TNFRSF9: variants seen among roughly 807,000 people sequenced by gnomAD.
TNFRSF9 encodes TNF receptor superfamily member 9, also known as tumor necrosis factor receptor superfamily member 9.
In TNFRSF9, 16 loss-of-function variants were observed where a neutral mutation model predicts 28.8. The ratio of observed to expected loss-of-function variants is 0.55; its 90% confidence interval spans 0.38 to 0.84. The LOEUF is 0.84. Among genes scored for constraint, TNFRSF9 ranks in the 40% least tolerant of loss-of-function variants. The pLI is 0.00. For missense variants in TNFRSF9, 303 were observed against 315.0 expected, an observed-to-expected ratio of 0.96 and a Z score of 0.29; for synonymous variants, 131 against 117.0, an observed-to-expected ratio of 1.12 and a Z score of -0.77.
intron 7 of TNFRSF9, among the ~76,000 whole-genome samples, chr1:7,929,432 G>A (rs923450444): frequency 2.0e-5 from 3 of 152,002 alleles, no homozygotes; most frequent in Non-Finnish European, 4.4e-5. Context: ...CTCCCAAAGC[G>A]CTGGGATTAT....
chr1:7,938,022 GGAAATATTTTATTAATT>G (rs1578078074), intron 4 of TNFRSF9, among the ~76,000 whole-genome samples, 154 bp downstream of exon 4: 1 of 151,990 alleles, frequency 6.6e-6, no homozygotes, highest in East Asian at 1.9e-4. Context: ...AAGAAATAAC[GGAAATATTTTATTAATT>G]GAAATATTTT....
intron 5 of TNFRSF9, among the ~76,000 whole-genome samples, chr1:7,936,073 G>A (rs1030927031): frequency 5.9e-5 from 9 of 152,008 alleles, no homozygotes; most frequent in Non-Finnish European, 1.0e-4. Flanking sequence ...TTTCCATGCA[G>A]ACTCACTTAA....
At chr1:7,931,537 T>G (rs1331334117) in intron 7 of TNFRSF9, among the ~76,000 whole-genome samples, 1 of 152,210 alleles carries the variant, frequency 6.6e-6, no homozygotes, top group Non-Finnish European at 1.5e-5. Flanking sequence ...TCTATTTGTA[T>G]GAAGTTCACA....
chr1:7,928,829 A>G (rs1639690166), intron 7 of TNFRSF9, among the ~76,000 whole-genome samples: 1 of 152,162 alleles, frequency 6.6e-6, no homozygotes, highest in Non-Finnish European at 1.5e-5. Flanking sequence ...CAGCGAGTGG[A>G]GATCACGCCA....
intron 7 of TNFRSF9, among the ~76,000 whole-genome samples, chr1:7,926,687 A>G (rs1473942127): frequency 6.6e-6 from 1 of 152,250 alleles, no homozygotes; most frequent in African/African-American, 2.4e-5. Context: ...GTATTTATGT[A>G]TAACTACAGT....
intron 7 of TNFRSF9, among the ~76,000 whole-genome samples, chr1:7,929,306 C>T (rs1177706475): frequency 1.3e-5 from 2 of 151,826 alleles, no homozygotes; most frequent in Non-Finnish European, 2.9e-5. Flanking sequence ...TCTGGGATTA[C>T]AGGCACGTGC....
rs1639502063 is a variant in TNFRSF9, at chr1:7,917,947, T to A, written c.*2888A>T. ...AAAATTTTAAAAAGGGAAAAATAAA[T>A]TACAAAGGATATATATATATATATA... On this transcript the variant is annotated 3_prime_UTR_variant, in exon 8 of 8. Coordinates refer to ENST00000377507, the MANE Select transcript of TNFRSF9 (RefSeq NM_001561.6). 2 of 135,308 alleles carry A rather than the reference T, an allele frequency of 1.5e-5. No individual in the cohort carries two copies. Among genetic ancestry groups the A allele is most frequent in the East Asian group, 2.3e-4 (1 of 4,352 alleles). 8.4% of individuals were successfully genotyped at this position (135,308 alleles called of 1,614,324 possible).
chr1:7,925,769 G>A (rs1299245445), intron 7 of TNFRSF9, among the ~76,000 whole-genome samples: 2 of 152,070 alleles, frequency 1.3e-5, no homozygotes, highest in Non-Finnish European at 2.9e-5. Flanking sequence ...TTCACAATAG[G>A]ATTCATGCTC....
chr1:7,921,610 G>A (rs565257654), intron 7 of TNFRSF9, among the ~76,000 whole-genome samples: 3 of 152,182 alleles, frequency 2.0e-5, no homozygotes, highest in Non-Finnish European at 4.4e-5. Flanking sequence ...GGAGGTTGCA[G>A]TGAGCTGAGA....
At chr1:7,927,767 C>T (rs902999840) in intron 7 of TNFRSF9, among the ~76,000 whole-genome samples, 11 of 151,192 alleles carry the variant, frequency 7.3e-5, no homozygotes, top group African/African-American at 2.7e-4. Flanking sequence ...ACCCAGGACT[C>T]AGTGAAGAAT....
chr1:7,940,748 C>G (rs1420001853), intron 1 of TNFRSF9, 36 bp downstream of exon 1: 1 of 152,306 alleles, frequency 6.6e-6, no homozygotes, highest in East Asian at 1.9e-4. Context: ...CTCACCCCTT[C>G]TCAGTGCCCC....
In TNFRSF9 at chr1:7,935,023, C is replaced by T. The variant is rs28360480; in HGVS notation, c.534G>A (p.Ala178=). The change falls in exon 6 of 8, where the codon GCG becomes GCA. Residue 178 remains alanine (A), a synonymous_variant. Coordinates refer to ENST00000377507, the MANE Select transcript of TNFRSF9 (RefSeq NM_001561.6). ...GCATAGCCCAGTTACCTGGCTCTCT[C>T]GCAGGGGCAGGCGGGGTCACAGAGG... ...GASSVTPPAP[A]REPGHSPQII... The T allele has an allele frequency of 5.6e-5, 91 of 1,614,180 alleles. No individual in the cohort carries two copies. In the East Asian group the frequency reaches 1.1e-3, roughly 20 times the overall value.
Position 7,920,151 on chromosome 1 carries a change from T to C in TNFRSF9, c.*684A>G, listed in dbSNP as rs1639536056. 1 of 152,312 alleles carries C rather than the reference T, an allele frequency of 6.6e-6. No homozygotes were observed. The highest frequency in any genetic ancestry group is 2.1e-4 in the South Asian group (1 of 4,834). The allele number at this position is 152,312 out of a possible 1,614,324, so 9.4% of individuals were successfully genotyped here. Reference sequence around the variant, plus strand: ...ACTTACTGCACCTCGTGGCTTATTGTCATATGTCATATTAGCACCAAAAAA... The same window carrying C: ...ACTTACTGCACCTCGTGGCTTATTGCCATATGTCATATTAGCACCAAAAAA... On this transcript the variant is annotated 3_prime_UTR_variant, in exon 8 of 8. Coordinates refer to ENST00000377507, the MANE Select transcript of TNFRSF9 (RefSeq NM_001561.6).
At chr1:7,933,563 C>G (rs1270537127) in intron 6 of TNFRSF9, among the ~76,000 whole-genome samples, 7 of 151,194 alleles carry the variant, frequency 4.6e-5, no homozygotes, top group Non-Finnish European at 8.8e-5. Context: ...ATAGTGGTGG[C>G]AGGAACTTGT....
intron 7 of TNFRSF9, among the ~76,000 whole-genome samples, chr1:7,927,694 T>C (rs1485055178): frequency 6.8e-6 from 1 of 147,064 alleles, no homozygotes; most frequent in Admixed American, 6.8e-5. Flanking sequence ...GATTTAAATA[T>C]GAAATAGAAA....
At chr1:7,938,881 C>T in intron 2 of TNFRSF9, 53 bp from the exon 3 acceptor site, 1 of 1,264,132 alleles carries the variant, frequency 7.9e-7, no homozygotes. Flanking sequence ...AATCGTCACC[C>T]AAGGCATTCC....
At chr1:7,930,699 T>G (rs1467830442) in intron 7 of TNFRSF9, among the ~76,000 whole-genome samples, 1 of 151,752 alleles carries the variant, frequency 6.6e-6, no homozygotes, top group Non-Finnish European at 1.5e-5. Flanking sequence ...AGCTCTGGAG[T>G]TCGAGGCTAC....
intron 7 of TNFRSF9, among the ~76,000 whole-genome samples, chr1:7,923,440 T>C (rs1282939655): frequency 6.6e-6 from 1 of 152,138 alleles, no homozygotes; most frequent in Non-Finnish European, 1.5e-5. Context: ...AGGTATAGCA[T>C]AGAACCCAAA....
intron 7 of TNFRSF9, among the ~76,000 whole-genome samples, chr1:7,929,078 G>A (rs1639694380): frequency 6.6e-6 from 1 of 151,512 alleles, no homozygotes; most frequent in African/African-American, 2.4e-5. Flanking sequence ...ACTTCTGCCG[G>A]TATTGATCTT....
Sources: gnomAD v4.1 joint callset for allele counts (sites outside exome capture counted in the v4.1 genomes callset) on GRCh38, gnomAD v4.1.1 for gene constraint, MANE v1.5 for transcripts, NCBI Gene and HGNC (gene_info 2026-07-23, HGNC 2026-07-21) for gene names.